Variants in ATP10B observed in about 807,000 individuals in gnomAD.
ATP10B encodes phospholipid-transporting ATPase VB.
ATP10B carries 122 observed loss-of-function variants against 141.2 expected under a neutral mutation model. The observed-to-expected ratio is 0.86, with a 90% CI of 0.75 to 1.00. The LOEUF (loss-of-function observed/expected upper bound fraction) is 1.00. Among genes scored for constraint, ATP10B ranks in the 50% least tolerant of loss-of-function variants. The pLI, the probability that ATP10B is intolerant of heterozygous loss-of-function variation, is 0.00. For missense variants in ATP10B, 1,876 were observed against 1,825.3 expected, an observed-to-expected ratio of 1.03 and a Z score of -0.51; for synonymous variants, 685 against 692.0, an observed-to-expected ratio of 0.99 and a Z score of 0.16.
Position 160,640,524 on chromosome 5 carries a change from T to C in ATP10B, c.937A>G (p.Met313Val), listed in dbSNP as rs1276855628. The C allele has an allele frequency of 4.3e-6, 7 of 1,614,156 alleles. No homozygotes were observed. Among genetic ancestry groups the C allele is most frequent in the African/African-American group, 2.7e-5 (2 of 75,070 alleles). The change falls in exon 10 of 26, where the codon ATG becomes GTG. Residue 313 changes from methionine (M) to valine (V), a missense_variant. By Grantham distance (21) the Met-to-Val change is conservative. Coordinates refer to ENST00000327245, the MANE Select transcript of ATP10B (RefSeq NM_025153.3). ...ATGCAGAAGAAGATGTCTATATTCATGCGCCGCTCAATCTTGCTGCGTTTG... is the reference window on the plus strand; with the variant it reads ...ATGCAGAAGAAGATGTCTATATTCACGCGCCGCTCAATCTTGCTGCGTTTG... Reference protein sequence around the residue: ...RYKRSKIERRMNIDIFFCIGI... With the variant: ...RYKRSKIERRVNIDIFFCIGI...
chr5:160,639,822 T>C (rs1419578348), intron 10 of ATP10B, among the ~76,000 whole-genome samples: 1 of 152,256 alleles, frequency 6.6e-6, no homozygotes, highest in East Asian at 1.9e-4. Flanking sequence ...AAAATAATTA[T>C]ACAACTTACC....
the ATP10B span, among the ~76,000 whole-genome samples, chr5:160,877,901 G>GAAC: frequency 6.7e-6 from 1 of 150,372 alleles, no homozygotes; most frequent in East Asian, 2.0e-4. Flanking sequence ...ACAAATGGAA[G>GAAC]AACATTCCAT....
At chr5:160,569,079 C>T (rs760701269) in intron 25 of ATP10B, among the ~76,000 whole-genome samples, 2 of 152,138 alleles carry the variant, frequency 1.3e-5, no homozygotes, top group Non-Finnish European at 2.9e-5. Flanking sequence ...CTCTTTCTTC[C>T]AATATCTGTA....
chr5:160,591,102 T>C lies in ATP10B; in HGVS notation c.3602A>G (p.Asp1201Gly). ...NLSTFWISMV[D>G]AFYQSLICFF... The stretch of plus-strand genomic sequence containing the variant: ...ACAGATGAGGCTCTGGTAGAATGCA[T>C]CCACCATAGAAATCCAGAAAGTCGA... The change falls in exon 23 of 26, where the codon GAT (aspartate) becomes GGT (glycine). Residue 1201 changes from aspartate to glycine, a missense_variant. Transcript: ENST00000327245. 1.9e-6 allele frequency: 3 copies of C among 1,614,008 alleles called. No homozygotes were observed. In the South Asian group the frequency reaches 3.3e-5, roughly 18 times the overall value.
chr5:160,856,988 G>A (rs1754015706), upstream of ATP10B, among the ~76,000 whole-genome samples: 3 of 151,530 alleles, frequency 2.0e-5, no homozygotes, highest in South Asian at 2.1e-4. Flanking sequence ...AATAACTTTT[G>A]CATTTATATT....
At chr5:160,624,239 A>G (rs1019649796) in intron 13 of ATP10B, among the ~76,000 whole-genome samples, 1 of 152,154 alleles carries the variant, frequency 6.6e-6, no homozygotes, top group African/African-American at 2.4e-5. Flanking sequence ...GAGCCCTCAG[A>G]CTTTTCTGAC....
the ATP10B span, among the ~76,000 whole-genome samples, chr5:160,907,198 A>T: frequency 6.6e-6 from 1 of 152,138 alleles, no homozygotes; most frequent in Admixed American, 6.5e-5. Context: ...TGCAGGTTCA[A>T]TAAAAGCTAC....
At chr5:160,873,742 G>C in the ATP10B span, among the ~76,000 whole-genome samples, 2 of 152,228 alleles carry the variant, frequency 1.3e-5, no homozygotes, top group African/African-American at 4.8e-5. Context: ...GGGTCAGGGA[G>C]GTCCCTTTCC....
At chr5:160,760,951 A>C (rs1467894573) in intron 2 of ATP10B, among the ~76,000 whole-genome samples, 1 of 152,172 alleles carries the variant, frequency 6.6e-6, no homozygotes, top group Non-Finnish European at 1.5e-5. Flanking sequence ...AGTTGAAGAT[A>C]AAAGAGATAC....
chr5:160,816,187 A>T (rs1241672989), intron 1 of ATP10B, among the ~76,000 whole-genome samples: 4 of 114,496 alleles, frequency 3.5e-5, no homozygotes, highest in African/African-American at 1.1e-4. Context: ...GGAAAGAGAG[A>T]CATAAAAAAT....
intron 1 of ATP10B, among the ~76,000 whole-genome samples, chr5:160,819,932 C>G (rs1773973360): frequency 6.6e-6 from 1 of 151,748 alleles, no homozygotes; most frequent in South Asian, 2.1e-4. Flanking sequence ...AGAAAGACTT[C>G]AAATCAACAA....
intron 1 of ATP10B, among the ~76,000 whole-genome samples, chr5:160,831,625 T>G (rs968362171): frequency 5.3e-5 from 8 of 152,060 alleles, no homozygotes; most frequent in Non-Finnish European, 1.0e-4. Context: ...TGTAAACAAT[T>G]CTAACAAGCA....
rs757825777 is a variant in ATP10B at position 160,569,605 on chromosome 5, C to T, written c.3829G>A (p.Val1277Ile). The T allele has an allele frequency of 3.1e-5, 50 of 1,613,392 alleles. No individual in the cohort carries two copies. The highest frequency in any genetic ancestry group is 2.3e-4 in the Admixed American group (14 of 59,926). The change falls in exon 25 of 26, where the codon GTC (valine) becomes ATC (isoleucine). Residue 1277 changes from valine (V) to isoleucine (I), a missense_variant. By Grantham distance (29) the Val-to-Ile change is conservative. Coordinates refer to ENST00000327245, the MANE Select transcript of ATP10B (RefSeq NM_025153.3). ...GGATTGGTGGGGCTGTTGCAGATGACGCAGGTGGCATTGTACAGGAGGGAT... is the reference window on the plus strand; with the variant it reads ...GGATTGGTGGGGCTGTTGCAGATGATGCAGGTGGCATTGTACAGGAGGGAT... ...LVSLLYNATC[V>I]ICNSPTNPYW...
chr5:160,833,485 G>A (rs1775227687), intron 1 of ATP10B, among the ~76,000 whole-genome samples: 1 of 152,242 alleles, frequency 6.6e-6, no homozygotes. Context: ...CTCTTTTCAA[G>A]GAGTTAATAT....
intron 2 of ATP10B, among the ~76,000 whole-genome samples, chr5:160,780,281 TC>T (rs1770627721): frequency 6.6e-6 from 1 of 152,194 alleles, no homozygotes; most frequent in Admixed American, 6.5e-5. Context: ...ACCTTATTTC[TC>T]TTTTTAAACC....
chr5:160,754,640 A>G (rs12653770), intron 2 of ATP10B, among the ~76,000 whole-genome samples: 15,660 of 152,286 alleles, frequency 0.1, 880 homozygotes, highest in African/African-American at 0.16. Context: ...AATGTCACCA[A>G]TGTGCAATAT....
At chr5:160,668,436 G>A (rs555604867) in intron 7 of ATP10B, among the ~76,000 whole-genome samples, 3 of 152,162 alleles carry the variant, frequency 2.0e-5, no homozygotes, top group South Asian at 2.1e-4. Context: ...GCCTCTGGTC[G>A]AAGGGCAGGC....
At chr5:160,810,325 A>G (rs1417394238) in intron 1 of ATP10B, among the ~76,000 whole-genome samples, 2 of 151,938 alleles carry the variant, frequency 1.3e-5, no homozygotes, top group African/African-American at 4.8e-5. Flanking sequence ...AAATATTTTC[A>G]GTTTCTATTA....
chr5:160,918,579 CTACT>C, the ATP10B span, among the ~76,000 whole-genome samples: 2 of 152,166 alleles, frequency 1.3e-5, no homozygotes, highest in Non-Finnish European at 2.9e-5. Flanking sequence ...CACATAAATC[CTACT>C]TACTCAGCAC....
Sources: allele counts gnomAD v4.1 joint callset (sites outside exome capture counted in the v4.1 genomes callset), GRCh38; gene constraint gnomAD v4.1.1; transcripts MANE v1.5; gene names NCBI Gene and HGNC (gene_info 2026-07-23, HGNC 2026-07-21).